The following SLC9A9 variants were observed in gnomAD, a reference collection of about 807,000 sequenced individuals.
SLC9A9 encodes the protein sodium/hydrogen exchanger 9.
A neutral mutation model predicts 77.8 loss-of-function variants in SLC9A9; 62 were observed. That is an observed-to-expected ratio of 0.80 (90% CI 0.65 to 0.98). The LOEUF is 0.98. Among genes scored for constraint, SLC9A9 ranks in the 50% least tolerant of loss-of-function variants. The pLI, the probability that SLC9A9 is intolerant of heterozygous loss-of-function variation, is 0.00. For synonymous variants in SLC9A9, 320 were observed against 283.5 expected (o/e 1.13, Z -1.29); for missense variants, 775 against 774.9 (o/e 1.00, Z 0.00).
chr3:143,846,132 A>T (rs936115792), intron 1 of SLC9A9, among the ~76,000 whole-genome samples: 1 of 152,228 alleles, frequency 6.6e-6, no homozygotes, highest in African/African-American at 2.4e-5. Flanking sequence ...TACTGTATGT[A>T]TTGTGAATGC....
chr3:143,328,796 C>T (rs1180762683), intron 14 of SLC9A9, among the ~76,000 whole-genome samples: 10 of 152,176 alleles, frequency 6.6e-5, no homozygotes, highest in African/African-American at 2.4e-4. Flanking sequence ...ATATTCGCTT[C>T]GTTATGGACC....
chr3:143,298,714 C>T (rs920374046), intron 14 of SLC9A9, among the ~76,000 whole-genome samples: 6 of 152,204 alleles, frequency 3.9e-5, no homozygotes, highest in African/African-American at 1.4e-4. Flanking sequence ...CATAACAGCA[C>T]AGGACCTTTC....
At chr3:143,639,471 C>T (rs1407251983) in intron 6 of SLC9A9, among the ~76,000 whole-genome samples, 1 of 152,136 alleles carries the variant, frequency 6.6e-6, no homozygotes, top group East Asian at 1.9e-4. Flanking sequence ...ACATTAGAGA[C>T]AAATGACACT....
chr3:143,811,866 GA>G (rs201760210), intron 2 of SLC9A9: 20,961 of 207,834 alleles, frequency 0.1, 403 homozygotes, highest in African/African-American at 0.16. Context: ...TGTCTAAAAA[GA>G]AAAAAAAAAA....
chr3:143,544,421 G>A (rs911400317), intron 9 of SLC9A9, among the ~76,000 whole-genome samples: 1 of 152,052 alleles, frequency 6.6e-6, no homozygotes, highest in African/African-American at 2.4e-5. Context: ...TAGAGACGGG[G>A]TTTCACTGTG....
chr3:143,372,060 A>G, intron 13 of SLC9A9: 1 of 352,018 alleles, frequency 2.8e-6, no homozygotes, highest in Non-Finnish European at 5.6e-6. Context: ...CTGCTGAAAG[A>G]AATCATAGAT....
At chr3:143,453,287 G>C (rs1295865378) in intron 12 of SLC9A9, among the ~76,000 whole-genome samples, 1 of 151,860 alleles carries the variant, frequency 6.6e-6, no homozygotes, top group Admixed American at 6.6e-5. Context: ...TTAAAGACTA[G>C]ATTATTTCTA....
At position 143,824,571 on chromosome 3, in the gene SLC9A9, C is replaced by T. The variant is rs1559815780; in HGVS notation, c.378+7448G>A. 3.9e-5 allele frequency among the ~76,000 whole-genome samples: 6 copies of T among 152,306 alleles called. No individual in the cohort carries two copies. In the South Asian group the frequency reaches 1.2e-3, roughly 32 times the overall value. ...CTGGATTACAAATGCTTGTGCTGAA[C>T]TTCCTTTGTCTATCCCCCTCCAGGA... On this transcript the variant is annotated intron_variant, in intron 2 of 15. Coordinates refer to ENST00000316549, the MANE Select transcript of SLC9A9 (RefSeq NM_173653.4).
At chr3:143,492,291 C>CAAAAAA (rs1171323568) in intron 11 of SLC9A9, among the ~76,000 whole-genome samples, 1 of 60,184 alleles carries the variant, frequency 1.7e-5, no homozygotes, top group Non-Finnish European at 3.4e-5. Flanking sequence ...GACTCCGTCT[C>CAAAAAA]AAAAAAAAAA....
At chr3:143,398,628 C>T (rs2033782733) in intron 12 of SLC9A9, among the ~76,000 whole-genome samples, 1 of 152,200 alleles carries the variant, frequency 6.6e-6, no homozygotes, top group Admixed American at 6.5e-5. Context: ...AAAGCACTTG[C>T]AATTGGTTAC....
intron 1 of SLC9A9, among the ~76,000 whole-genome samples, chr3:143,847,294 G>A (rs1376443704): frequency 6.6e-6 from 1 of 152,202 alleles, no homozygotes; most frequent in Non-Finnish European, 1.5e-5. Flanking sequence ...GCTGAGATAA[G>A]AGCAGTGAAG....
intron 12 of SLC9A9, among the ~76,000 whole-genome samples, chr3:143,443,334 GT>G (rs904419801): frequency 4.7e-4 from 70 of 147,520 alleles, no homozygotes; most frequent in Admixed American, 3.1e-3. Context: ...AAGGTGAACA[GT>G]TTTTTTTTTT....
At chr3:143,807,485 A>C (rs1212727119) in intron 2 of SLC9A9, among the ~76,000 whole-genome samples, 1 of 152,110 alleles carries the variant, frequency 6.6e-6, no homozygotes, top group African/African-American at 2.4e-5. Flanking sequence ...ATTTTATTTC[A>C]TGATCTATGT....
intron 5 of SLC9A9, among the ~76,000 whole-genome samples, chr3:143,679,061 T>A (rs965902385): frequency 8.9e-6 from 1 of 112,946 alleles, no homozygotes; most frequent in Non-Finnish European, 1.9e-5. Flanking sequence ...GTGAGGGGGG[T>A]GGGAAGAGTG....
At chr3:143,820,862 T>C (rs1165123284) in intron 2 of SLC9A9, among the ~76,000 whole-genome samples, 2 of 152,170 alleles carry the variant, frequency 1.3e-5, no homozygotes, top group African/African-American at 4.8e-5. Context: ...TTTCTATCAC[T>C]TCAGAATATA....
intron 5 of SLC9A9, among the ~76,000 whole-genome samples, chr3:143,679,106 G>A (rs1008586499): frequency 6.6e-5 from 5 of 75,212 alleles, no homozygotes; most frequent in Non-Finnish European, 7.0e-5. Context: ...ACACACAGCA[G>A]TAAAAAAAAG....
intron 12 of SLC9A9, among the ~76,000 whole-genome samples, chr3:143,423,226 C>CGTGT (rs2034337204): frequency 6.8e-6 from 1 of 148,064 alleles, no homozygotes; most frequent in Non-Finnish European, 1.5e-5. Flanking sequence ...TACACACACA[C>CGTGT]ACACGTGTAC....
rs756333910 is a variant in SLC9A9 at position 143,649,944 on chromosome 3, AGTCTGCTTTC to A, written c.755+2301_755+2310del. On this transcript the variant is annotated intron_variant, in intron 6 of 15. Transcript: ENST00000316549. ...TCTAAGACACACTTCAAGTACATAGAGTCTGCTTTCAAAAAGTTGCTATCTAGAAAGGCAA... is the reference window on the plus strand; with the variant it reads ...TCTAAGACACACTTCAAGTACATAGAAAAAAGTTGCTATCTAGAAAGGCAA... Among the ~76,000 whole-genome samples, 368 of 152,350 alleles carry A rather than the reference AGTCTGCTTTC, an allele frequency of 2.4e-3. 1 individual carries two copies. Among genetic ancestry groups the A allele is most frequent in the Non-Finnish European group, 4.6e-3 (315 of 68,034 alleles).
chr3:143,387,247 G>A (rs13072761), intron 12 of SLC9A9, among the ~76,000 whole-genome samples: 26,609 of 152,092 alleles, frequency 0.17, 2,683 homozygotes, highest in Middle Eastern at 0.25. Context: ...GAAGAGGGAA[G>A]AGCTGAGCAG....
Sources: allele counts gnomAD v4.1 joint callset (sites outside exome capture counted in the v4.1 genomes callset), GRCh38; gene constraint gnomAD v4.1.1; transcripts MANE v1.5; gene names NCBI Gene and HGNC (gene_info 2026-07-23, HGNC 2026-07-21).